Variants in LPP observed in about 807,000 individuals in gnomAD.
LPP encodes the protein lipoma-preferred partner.
LPP carries 38 observed loss-of-function variants against 60.4 expected under a neutral mutation model. The observed-to-expected ratio is 0.63, with a 90% confidence interval of 0.49 to 0.83. LPP has a LOEUF of 0.83. LPP is among the 40% of genes least tolerant of loss of function. The pLI is 0.00. For missense variants in LPP, 902 were observed against 783.6 expected (o/e 1.15, Z -1.80); for synonymous variants, 328 against 290.8 (o/e 1.13, Z -1.30).
rs758691021 is a variant in LPP, at chr3:188,888,333, A to C, written c.*13854A>C. The C allele has an allele frequency of 1.3e-5, 3 of 227,822 alleles. No homozygotes were observed. Among genetic ancestry groups the C allele is most frequent in the Non-Finnish European group, 2.6e-5 (3 of 114,632 alleles). 14.1% of individuals were successfully genotyped at this position (227,822 alleles called of 1,614,324 possible). On this transcript the variant is annotated 3_prime_UTR_variant, in exon 12 of 12. Transcript: ENST00000617246. ...TGAAGATACAGAGCCTGAGGATAGT[A>C]ATTTTCCCTGAGCCACGCACACAGG... is the stretch of plus-strand genomic sequence containing the variant.
Position 188,349,271 on chromosome 3 carries a change from C to T in LPP, c.-10+7552C>T, listed in dbSNP as rs555563274. Among the ~76,000 whole-genome samples, 42 of 152,218 alleles carry T rather than the reference C, an allele frequency of 2.8e-4. 1 individual carries two copies. The South Asian group carries it at 8.1e-3, about 29-fold the overall frequency. On this transcript the variant is annotated intron_variant, in intron 3 of 11. Coordinates refer to ENST00000617246, the MANE Select transcript of LPP (RefSeq NM_001375462.1). Reference sequence around the variant, plus strand: ...TATTTTTGCTTTTTAATGAGGGTGACTATTGTGAAATAAGTAATTATTAAT... The same window carrying T: ...TATTTTTGCTTTTTAATGAGGGTGATTATTGTGAAATAAGTAATTATTAAT...
intron 2 of LPP, among the ~76,000 whole-genome samples, chr3:188,340,018 G>T (rs1762622762): frequency 6.6e-6 from 1 of 152,302 alleles, no homozygotes; most frequent in Non-Finnish European, 1.5e-5. Context: ...AACTAAGTGT[G>T]TGTTAGTGCT....
chr3:188,758,332 T>C (rs1212459596), intron 8 of LPP, among the ~76,000 whole-genome samples: 1 of 152,122 alleles, frequency 6.6e-6, no homozygotes, highest in African/African-American at 2.4e-5. Context: ...AGCTATTTTT[T>C]GTATTTTTCA....
chr3:188,743,962 G>A (rs1577306778), intron 8 of LPP: 1 of 150,946 alleles, frequency 6.6e-6, no homozygotes, highest in African/African-American at 2.4e-5. Context: ...GACGTTTTAG[G>A]CTGTGAGGGG....
chr3:188,417,358 C>G (rs1786580785), intron 4 of LPP, among the ~76,000 whole-genome samples: 1 of 151,950 alleles, frequency 6.6e-6, no homozygotes, highest in Non-Finnish European at 1.5e-5. Context: ...GAGGACACAT[C>G]TGATCTGAGT....
chr3:188,344,778 G>C (rs1763895811), intron 3 of LPP, among the ~76,000 whole-genome samples: 1 of 152,186 alleles, frequency 6.6e-6, no homozygotes, highest in African/African-American at 2.4e-5. Flanking sequence ...ACCGGTAGCG[G>C]TAGTCCCTTA....
intron 8 of LPP, among the ~76,000 whole-genome samples, chr3:188,739,108 T>C (rs9864167): frequency 0.22 from 33,618 of 152,010 alleles, 4,251 homozygotes; most frequent in Middle Eastern, 0.43. Context: ...ACATGATTGC[T>C]TGAAAAGAAT....
chr3:188,774,298 G>A (rs1023132944), intron 9 of LPP, among the ~76,000 whole-genome samples: 2 of 151,992 alleles, frequency 1.3e-5, no homozygotes, highest in African/African-American at 4.8e-5. Flanking sequence ...ACTTCCTACT[G>A]TACTTACAGA....
chr3:188,373,732 A>T (rs1387423005), intron 3 of LPP, among the ~76,000 whole-genome samples: 3 of 152,010 alleles, frequency 2.0e-5, no homozygotes, highest in East Asian at 1.9e-4. Flanking sequence ...TTTGTCAATT[A>T]TGGCTTTTGT....
At chr3:188,591,154 A>T (rs1262905089) in intron 6 of LPP, among the ~76,000 whole-genome samples, 7 of 152,222 alleles carry the variant, frequency 4.6e-5, no homozygotes, top group Non-Finnish European at 5.9e-5. Context: ...TCACTTGGAC[A>T]CTTATGTTGT....
chr3:188,824,116 C>A (rs979057207), intron 9 of LPP, among the ~76,000 whole-genome samples: 5 of 152,180 alleles, frequency 3.3e-5, no homozygotes, highest in Admixed American at 1.3e-4. Flanking sequence ...TCTGGCTCTA[C>A]TGTATACTAG....
chr3:188,433,633 AAGG>A (rs1163015032), intron 4 of LPP, among the ~76,000 whole-genome samples: 1 of 134,192 alleles, frequency 7.5e-6, no homozygotes, highest in Non-Finnish European at 1.6e-5. Context: ...AGAGAGGAGA[AAGG>A]AGAGAGAGAA....
chr3:188,813,573 T>A (rs796232028), intron 9 of LPP, among the ~76,000 whole-genome samples: 2 of 152,208 alleles, frequency 1.3e-5, no homozygotes, highest in African/African-American at 4.8e-5. Flanking sequence ...ATGCCTACTA[T>A]GTCTAGCAAA....
At chr3:188,733,503 T>A (rs1048567842) in intron 8 of LPP, among the ~76,000 whole-genome samples, 2 of 152,090 alleles carry the variant, frequency 1.3e-5, no homozygotes, top group Non-Finnish European at 2.9e-5. Context: ...GTACTCTCTC[T>A]CTTTATTTGA....
chr3:188,847,897 A>G (rs1761848355), intron 9 of LPP, among the ~76,000 whole-genome samples: 1 of 152,214 alleles, frequency 6.6e-6, no homozygotes. Context: ...TAGGAAAAAA[A>G]TTAATAAAGT....
chr3:188,729,658 A>C (rs1353251303), intron 8 of LPP, among the ~76,000 whole-genome samples: 1 of 152,086 alleles, frequency 6.6e-6, no homozygotes, highest in Non-Finnish European at 1.5e-5. Context: ...GTGTGTTTAG[A>C]TTTTCACACA....
Position 188,760,216 on chromosome 3 carries a change from C to A in LPP, c.1344C>A (p.Asn448Lys), listed in dbSNP as rs1033005356. The change falls in exon 9 of 12, where the codon AAC (asparagine) becomes AAA (lysine). Residue 448 changes from asparagine to lysine, a missense_variant. Coordinates refer to ENST00000617246, the MANE Select transcript of LPP (RefSeq NM_001375462.1). The stretch of plus-strand genomic sequence containing the variant: ...ATTGTTTTACCTGCATCATCTGCAA[C>A]AACAAGCTCCGAGGGCAGCCATTCT... ...HVDCFTCIIC[N>K]NKLRGQPFYA... The A allele has an allele frequency of 4.3e-6, 7 of 1,614,034 alleles. No individual in the cohort carries two copies. The African/African-American group carries it at 6.7e-5, about 15-fold the overall frequency.
chr3:188,349,279 A>C (rs1452408902), intron 3 of LPP, among the ~76,000 whole-genome samples: 1 of 152,190 alleles, frequency 6.6e-6, no homozygotes, highest in Non-Finnish European at 1.5e-5. Flanking sequence ...GACTATTGTG[A>C]AATAAGTAAT....
chr3:188,207,039 C>T (rs185089383), intron 1 of LPP, among the ~76,000 whole-genome samples: 185 of 152,032 alleles, frequency 1.2e-3, no homozygotes, highest in African/African-American at 4.3e-3. Flanking sequence ...CTTTGCATCT[C>T]GAAGTAAAGG....
Sources: gnomAD v4.1 joint callset for allele counts (sites outside exome capture counted in the v4.1 genomes callset) on GRCh38, gnomAD v4.1.1 for gene constraint, MANE v1.5 for transcripts, NCBI Gene and HGNC (gene_info 2026-07-23, HGNC 2026-07-21) for gene names.